The following GJB2 variants were observed in gnomAD, a reference collection of about 807,000 sequenced individuals.
GJB2 encodes the protein gap junction protein beta 2.
In GJB2, 30 loss-of-function variants were observed where a neutral mutation model predicts 16.0. The observed-to-expected ratio is 1.88, with a 90% CI of 1.41 to 2.55. GJB2 has a LOEUF of 2.55. Ranked by LOEUF, GJB2 falls within the 30% of genes most tolerant of loss-of-function variation. GJB2 has a pLI of 0.00. For missense variants in GJB2, 284 were observed against 289.7 expected, an observed-to-expected ratio of 0.98 and a Z score of 0.14; for synonymous variants, 123 against 119.1, an observed-to-expected ratio of 1.03 and a Z score of -0.21.
At position 20,189,536 on chromosome 13, in the gene GJB2, GTTTGTTCACACCCC is replaced by G. The variant is rs1290698257; in HGVS notation, c.32_45del (p.Gly11AlafsTer32). On this transcript the variant is annotated frameshift_variant, in exon 2 of 2. Coordinates refer to ENST00000382848, the MANE Select transcript of GJB2 (RefSeq NM_004004.6). LOFTEE classifies it high-confidence loss of function. ...CAGATCTTTCCAATGCTGGTGGAGTGTTTGTTCACACCCCCCAGGATCGTCTGCAGCGTGCCCCA... is the reference window on the plus strand; with the variant it reads ...CAGATCTTTCCAATGCTGGTGGAGTGCCAGGATCGTCTGCAGCGTGCCCCA... 5 of 1,613,948 alleles carry G rather than the reference GTTTGTTCACACCCC, an allele frequency of 3.1e-6. No individual in the cohort carries two copies. Among genetic ancestry groups the G allele is most frequent in the Non-Finnish European group, 4.2e-6 (5 of 1,179,954 alleles).
rs1959060493 is a variant in GJB2, at chr13:20,189,340, A to G, written c.242T>C (p.Leu81Pro). ...GAGCGCTGGCGTGGACACGAAGATC[A>G]GCTGCAGGGCCCATAGCCGGATGTG... is the stretch of plus-strand genomic sequence containing the variant. ...ISHIRLWALQLIFVSTPALLV... is the reference protein window; with the variant it reads ...ISHIRLWALQPIFVSTPALLV... Residue 81 changes from leucine (L) to proline (P), a missense_variant, in exon 2 of 2, where the codon CTG (leucine) becomes CCG (proline). Coordinates refer to ENST00000382848, the MANE Select transcript of GJB2 (RefSeq NM_004004.6). 6.2e-7 allele frequency: 1 copy of G among 1,614,028 alleles called. No individual in the cohort carries two copies. The highest frequency in any genetic ancestry group is 1.1e-5 in the South Asian group (1 of 91,084).
chr13:20,192,586 C>T (rs1191152046), intron 1 of GJB2, among the ~76,000 whole-genome samples, 197 bp downstream of exon 1: 1 of 152,116 alleles, frequency 6.6e-6, no homozygotes, highest in Non-Finnish European at 1.5e-5. Flanking sequence ...ACTTCCCCGG[C>T]CGCCCCATTC....
chr13:20,188,750 C>T lies in GJB2; in HGVS notation c.*151G>A. The T allele has an allele frequency of 1.5e-6, 1 of 666,702 alleles. No individual in the cohort carries two copies. Among genetic ancestry groups the T allele is most frequent in the South Asian group, 1.7e-5 (1 of 57,590 alleles). The allele number at this position is 666,702 out of a possible 1,614,324, so 41.3% of individuals were successfully genotyped here. A position where few individuals can be genotyped will look rare whatever the true frequency, so the allele number is the denominator to read the frequency against. On this transcript the variant is annotated 3_prime_UTR_variant, in exon 2 of 2. Coordinates refer to ENST00000382848, the MANE Select transcript of GJB2 (RefSeq NM_004004.6). Reference sequence around the variant, plus strand: ...AGCTCCATTGTGGCATCTGGAGTTTCACCTGAGGCCTACAGGGGTTTCAAA... The same window carrying T: ...AGCTCCATTGTGGCATCTGGAGTTTTACCTGAGGCCTACAGGGGTTTCAAA...
intron 1 of GJB2, among the ~76,000 whole-genome samples, chr13:20,191,710 G>A (rs1166228733): frequency 6.6e-6 from 1 of 152,238 alleles, no homozygotes; most frequent in Admixed American, 6.5e-5. Context: ...CGCCTGGAGG[G>A]CTGCCAGAGG....
In GJB2 at chr13:20,189,595, C is replaced by T. The variant is rs367567291; in HGVS notation, c.-14G>A. 2.0e-5 allele frequency: 32 copies of T among 1,613,206 alleles called. No individual in the cohort carries two copies. In the African/African-American group the frequency reaches 2.0e-4, roughly 10 times the overall value. ...GCCCCAATCCATCTTCTACTCTGGG[C>T]GGTTTGCTCTGGAAAAGACGAATGC... On this transcript the variant is annotated 5_prime_UTR_variant, in exon 2 of 2. Coordinates refer to ENST00000382848, the MANE Select transcript of GJB2 (RefSeq NM_004004.6).
Position 20,189,241 on chromosome 13 carries a change from T to C in GJB2, c.341A>G (p.Glu114Gly), listed in dbSNP as rs2274083. 5.6e-3 allele frequency: 9,012 copies of C among 1,613,590 alleles called. 688 individuals carry two copies. The East Asian group carries it at 0.17, about 30-fold the overall frequency. The change falls in exon 2 of 2, where the codon GAA becomes GGA. Residue 114 changes from glutamate (E) to glycine (G), a missense_variant. By Grantham distance (98) the Glu-to-Gly change is moderately conservative. Transcript: ENST00000382848. ...TTTGATCTCCTCGATGTCCTTAAAT[T>C]CACTCTTTATCTCCCCCTTGATGAA... The part of the protein sequence containing the change: ...RKFIKGEIKS[E>G]FKDIEEIKTQ...
At chr13:20,191,946 G>C (rs1959078822) in intron 1 of GJB2, among the ~76,000 whole-genome samples, 1 of 152,182 alleles carries the variant, frequency 6.6e-6, no homozygotes, top group Non-Finnish European at 1.5e-5. Context: ...AGGTCACATG[G>C]GGACACGGCC....
At position 20,189,279 on chromosome 13, in the gene GJB2, C is replaced by G; in HGVS notation, c.303G>C (p.Glu101Asp). 1.2e-6 allele frequency: 2 copies of G among 1,613,902 alleles called. No individual in the cohort carries two copies. The highest frequency in any genetic ancestry group is 1.7e-6 in the Non-Finnish European group (2 of 1,180,040). ...VAMHVAYRRH[E>D]KKRKFIKGEI... is the part of the protein sequence containing the mutation. The stretch of plus-strand genomic sequence containing the variant: ...CCCCCTTGATGAACTTCCTCTTCTT[C>G]TCATGTCTCCGGTAGGCCACGTGCA... Residue 101 changes from glutamate (E) to aspartate (D), a missense_variant, in exon 2 of 2, where the codon GAG becomes GAC. By Grantham distance (45) the Glu-to-Asp change is conservative (BLOSUM62 2). Coordinates refer to ENST00000382848, the MANE Select transcript of GJB2 (RefSeq NM_004004.6).
In GJB2 at chr13:20,188,897, T is replaced by C. The variant is rs745748793; in HGVS notation, c.*4A>G. On this transcript the variant is annotated 3_prime_UTR_variant, in exon 2 of 2. Coordinates refer to ENST00000382848, the MANE Select transcript of GJB2 (RefSeq NM_004004.6). ...ATTTCTTAATCTAACAACTGGGCAA[T>C]GCGTTAAACTGGCTTTTTTGACTTC... 13 of 1,609,552 alleles carry C rather than the reference T, an allele frequency of 8.1e-6. No individual in the cohort carries two copies. In the South Asian group the frequency reaches 1.2e-4, roughly 15 times the overall value.
rs1337662881 is a variant in GJB2, at chr13:20,192,348, C to T, written c.-23+435G>A. On this transcript the variant is annotated intron_variant, in intron 1 of 1. Transcript: ENST00000382848. The stretch of plus-strand genomic sequence containing the variant: ...AAGAGGTAAAGGTCAGTTCCTGCAG[C>T]GAAGGCTTCCTGCTTCACCGGCGAA... Among the ~76,000 whole-genome samples the T allele has an allele frequency of 3.3e-5, 5 of 152,234 alleles. 1 individual carries two copies.
rs773846324 is a variant in GJB2, at chr13:20,188,905, A to C, written c.677T>G (p.Val226Gly). ...RYCSGKSKKP[V>G] The stretch of plus-strand genomic sequence containing the variant: ...ATCTAACAACTGGGCAATGCGTTAA[A>C]CTGGCTTTTTTGACTTCCCAGAACA... Residue 226 changes from valine (V) to glycine (G), a missense_variant, in exon 2 of 2, where the codon GTT becomes GGT. Physicochemically the swap from Val to Gly is moderately radical, Grantham distance 109. Coordinates refer to ENST00000382848, the MANE Select transcript of GJB2 (RefSeq NM_004004.6). The C allele has an allele frequency of 2.5e-5, 40 of 1,612,322 alleles. No individual in the cohort carries two copies. The highest frequency in any genetic ancestry group is 3.3e-5 in the Admixed American group (2 of 60,008).
In GJB2 at chr13:20,189,320, C is replaced by A; in HGVS notation, c.262G>T (p.Ala88Ser). Residue 88 changes from alanine to serine, a missense_variant, in exon 2 of 2, where the codon GCG (alanine) becomes TCG (serine). Coordinates refer to ENST00000382848, the MANE Select transcript of GJB2 (RefSeq NM_004004.6). ...ALQLIFVSTPALLVAMHVAYR... is the reference protein window; with the variant it reads ...ALQLIFVSTPSLLVAMHVAYR... The stretch of plus-strand genomic sequence containing the variant: ...GCCACGTGCATGGCCACTAGGAGCG[C>A]TGGCGTGGACACGAAGATCAGCTGC... 6.2e-7 allele frequency: 1 copy of A among 1,614,050 alleles called. No individual in the cohort carries two copies. The highest frequency in any genetic ancestry group is 1.1e-5 in the South Asian group (1 of 91,084).
chr13:20,188,786 T>A lies in GJB2; in HGVS notation c.*115A>T. The A allele has an allele frequency of 2.4e-6, 2 of 842,014 alleles. No individual in the cohort carries two copies. Among genetic ancestry groups the A allele is most frequent in the South Asian group, 2.8e-5 (2 of 71,578 alleles). The allele number at this position is 842,014 out of a possible 1,614,324, so 52.2% of individuals were successfully genotyped here. On this transcript the variant is annotated 3_prime_UTR_variant, in exon 2 of 2. Coordinates refer to ENST00000382848, the MANE Select transcript of GJB2 (RefSeq NM_004004.6). Reference sequence around the variant, plus strand: ...TACAGGGGTTTCAAATGGTTGCATTTAAGGTCAGAATCTTTGTGTTGGGAA... The same window carrying A: ...TACAGGGGTTTCAAATGGTTGCATTAAAGGTCAGAATCTTTGTGTTGGGAA...
At chr13:20,189,717 C>G in intron 1 of GJB2, 114 bp from the exon 2 acceptor site, 1 of 815,180 alleles carries the variant, frequency 1.2e-6, no homozygotes, top group Non-Finnish European at 2.1e-6. Context: ...CAAACACCAA[C>G]TCTTACACAA....
rs1372156032 is a variant in GJB2, at chr13:20,188,981, T to TGAATG, written c.600_601insCATTC (p.Ile201HisfsTer7). On this transcript the variant is annotated frameshift_variant, in exon 2 of 2. Transcript: ENST00000382848. LOFTEE classifies it high-confidence loss of function. ...TCAGTGACATTCAGCAGGATGCAAA[T>TGAATG]TCCAGACACTGCAATCATGAACACT... 2.5e-6 allele frequency: 4 copies of TGAATG among 1,614,018 alleles called. No individual in the cohort carries two copies. In the Admixed American group the frequency reaches 6.7e-5, roughly 27 times the overall value.
rs1959054205 is a variant in GJB2, at chr13:20,188,841, C to G, written c.*60G>C. On this transcript the variant is annotated 3_prime_UTR_variant, in exon 2 of 2. Transcript: ENST00000382848. ...TAGCGACTGAGCCTTGACAGCTGAG[C>G]ACGGGTTGCCTCATCCCTCTCATGC... is the stretch of plus-strand genomic sequence containing the variant. 4 of 1,310,902 alleles carry G rather than the reference C, an allele frequency of 3.1e-6. No homozygotes were observed. The Admixed American group carries it at 5.0e-5, about 16-fold the overall frequency. 81.2% of individuals were successfully genotyped at this position (1,310,902 alleles called of 1,614,324 possible). A position where few individuals can be genotyped will look rare whatever the true frequency, so the allele number is the denominator to read the frequency against.
At position 20,189,272 on chromosome 13, in the gene GJB2, T is replaced by C; in HGVS notation, c.310A>G (p.Arg104Gly). ...TTTATCTCCCCCTTGATGAACTTCC[T>C]CTTCTTCTCATGTCTCCGGTAGGCC... is the stretch of plus-strand genomic sequence containing the variant. ...HVAYRRHEKK[R>G]KFIKGEIKSE... The change falls in exon 2 of 2, where the codon AGG becomes GGG. Residue 104 changes from arginine to glycine, a missense_variant. Arg to Gly is a moderately radical substitution (Grantham distance 125). Transcript: ENST00000382848. The C allele has an allele frequency of 1.2e-6, 2 of 1,613,892 alleles. No homozygotes were observed. Among genetic ancestry groups the C allele is most frequent in the Non-Finnish European group, 1.7e-6 (2 of 1,180,038 alleles).
intron 1 of GJB2, among the ~76,000 whole-genome samples, chr13:20,191,971 A>C (rs1286978998): frequency 6.6e-6 from 1 of 152,176 alleles, no homozygotes; most frequent in East Asian, 1.9e-4. Flanking sequence ...CACGCTTCTC[A>C]AGGCAGTCCC....
chr13:20,189,892 G>A (rs1959066502), intron 1 of GJB2: 1 of 434,974 alleles, frequency 2.3e-6, no homozygotes, highest in East Asian at 4.9e-5. Flanking sequence ...AATTTGCTGT[G>A]CTGGGGAGTG....
Sources: gnomAD v4.1 joint callset for allele counts (sites outside exome capture counted in the v4.1 genomes callset) on GRCh38, gnomAD v4.1.1 for gene constraint, MANE v1.5 for transcripts, NCBI Gene and HGNC (gene_info 2026-07-23, HGNC 2026-07-21) for gene names.